The following CEP44 variants were observed in gnomAD, a reference collection of about 807,000 sequenced individuals.
CEP44 encodes the protein centrosomal protein 44, also known as centrosomal protein of 44 kDa.
In CEP44, 45 loss-of-function variants were observed where a neutral mutation model predicts 46.7. That is an observed-to-expected ratio of 0.96 (90% confidence interval 0.76 to 1.24). CEP44 has a LOEUF of 1.24. CEP44 is among the 50% of genes most tolerant of loss of function. The pLI is 0.00. For synonymous variants in CEP44, 142 were observed against 146.0 expected, an observed-to-expected ratio of 0.97 and a Z score of 0.20; for missense variants, 475 against 459.7, an observed-to-expected ratio of 1.03 and a Z score of -0.30.
At chr4:174,300,867 T>C (rs1739626757) in intron 3 of CEP44, among the ~76,000 whole-genome samples, 1 of 152,160 alleles carries the variant, frequency 6.6e-6, no homozygotes, top group Non-Finnish European at 1.5e-5. Flanking sequence ...TGAAATTGTT[T>C]AACATAAAAA....
rs1740970180 is a variant in CEP44 at position 174,310,566 on chromosome 4, T to G, written c.886-217T>G. On this transcript the variant is annotated intron_variant, in intron 8 of 11. Transcript: ENST00000503780. The surrounding 1 kb of genome is among the most constrained non-coding windows in gnomAD (Gnocchi z 4.2). ...TTTCAATTTCTGGTCTGTCTTTCCT[T>G]CCTAGAAGGTGAAGTCAAGTAGCTT... Among the ~76,000 whole-genome samples the G allele has an allele frequency of 6.6e-6, 1 of 151,932 alleles. No individual in the cohort carries two copies. Among genetic ancestry groups the G allele is most frequent in the Admixed American group, 6.6e-5 (1 of 15,246 alleles).
intron 6 of CEP44, among the ~76,000 whole-genome samples, chr4:174,307,939 T>C (rs1176670597): frequency 6.6e-6 from 1 of 152,082 alleles, no homozygotes; most frequent in East Asian, 1.9e-4. Context: ...ATGACTATTA[T>C]TAAAAAGTCT....
At position 174,290,591 on chromosome 4, in the gene CEP44, G is replaced by T. The variant is rs1738083278; in HGVS notation, c.-148+6648G>T. ...GTGTTGTATAGTTTGCAATTTACTT[G>T]TTGGTATTCTGTCCGGATGACCAGT... On this transcript the variant is annotated intron_variant, in intron 1 of 11. Transcript: ENST00000503780. This position sits in a 1 kb window ranked among gnomAD's most constrained non-coding sequence, Gnocchi z 4.3. Among the ~76,000 whole-genome samples the T allele has an allele frequency of 6.6e-6, 1 of 151,958 alleles. No individual in the cohort carries two copies. The highest frequency in any genetic ancestry group is 2.4e-5 in the African/African-American group (1 of 41,384).
At position 174,312,286 on chromosome 4, in the gene CEP44, T is replaced by A. The variant is rs983963892; in HGVS notation, c.961+1428T>A. 6.6e-6 allele frequency among the ~76,000 whole-genome samples: 1 copy of A among 151,952 alleles called. No individual in the cohort carries two copies. The highest frequency in any genetic ancestry group is 1.9e-4 in the East Asian group (1 of 5,184). The stretch of plus-strand genomic sequence containing the variant: ...GCTAAGTTTTTTTTTTTTAATTTTT[T>A]AATTTTTTTGAGATAAGTGTGGTCT... On this transcript the variant is annotated intron_variant, in intron 9 of 11. Transcript: ENST00000503780. The surrounding 1 kb of genome is among the most constrained non-coding windows in gnomAD (Gnocchi z 4.5).
downstream of CEP44, among the ~76,000 whole-genome samples, chr4:174,322,255 C>T (rs1742370232): frequency 6.6e-6 from 1 of 152,048 alleles, no homozygotes; most frequent in African/African-American, 2.4e-5. Context: ...TCTCTTCCAC[C>T]TTCACTTTTT....
chr4:174,294,046 CTTTTT>C (rs764798847), intron 1 of CEP44, among the ~76,000 whole-genome samples: 10 of 138,112 alleles, frequency 7.2e-5, no homozygotes, highest in Non-Finnish European at 1.4e-4. Flanking sequence ...CATATATCCT[CTTTTT>C]TTTTTTTTTT....
chr4:174,327,384 G>T (rs931803624), intron 8 of CEP44, among the ~76,000 whole-genome samples: 1 of 151,800 alleles, frequency 6.6e-6, no homozygotes, highest in East Asian at 1.9e-4. Flanking sequence ...TTCTTACCCA[G>T]ATTATAATTT....
At chr4:174,306,232 G>C (rs1740382130) in intron 6 of CEP44, among the ~76,000 whole-genome samples, 1 of 152,006 alleles carries the variant, frequency 6.6e-6, no homozygotes. Context: ...TTTTTGTCAG[G>C]ACTTCTTCGT....
In CEP44 at chr4:174,290,615, G is replaced by C. The variant is rs78150143; in HGVS notation, c.-148+6672G>C. On this transcript the variant is annotated intron_variant, in intron 1 of 11. Coordinates refer to ENST00000503780, the MANE Select transcript of CEP44 (RefSeq NM_001040157.3). The surrounding 1 kb of genome is among the most constrained non-coding windows in gnomAD (Gnocchi z 4.3). Reference sequence around the variant, plus strand: ...TGTTGGTATTCTGTCCGGATGACCAGTACATTATAGACAGTGACGTATCAA... The same window carrying C: ...TGTTGGTATTCTGTCCGGATGACCACTACATTATAGACAGTGACGTATCAA... Among the ~76,000 whole-genome samples, 486 of 152,158 alleles carry C rather than the reference G, an allele frequency of 3.2e-3. 3 individuals are homozygous for C. The highest frequency in any genetic ancestry group is 0.011 in the African/African-American group (460 of 41,538).
chr4:174,299,170 C>T lies in CEP44; in HGVS notation c.49C>T (p.Leu17Phe). The change falls in exon 3 of 12, where the codon CTC becomes TTC. Residue 17 changes from leucine (L) to phenylalanine (F), a missense_variant. By Grantham distance (22) the Leu-to-Phe change is conservative (BLOSUM62 0). Transcript: ENST00000503780. ...KRSLRNLEQV[L>F]RLLNYPEEVD... The stretch of plus-strand genomic sequence containing the variant: ...AAGCTTACGGAACCTAGAACAGGTG[C>T]TCCGCTTGCTAAATTATCCTGAAGA... 1 of 1,613,746 alleles carries T rather than the reference C, an allele frequency of 6.2e-7. No individual in the cohort carries two copies. Among genetic ancestry groups the T allele is most frequent in the Non-Finnish European group, 8.5e-7 (1 of 1,179,744 alleles).
chr4:174,286,356 G>T lies in CEP44; in HGVS notation c.-148+2413G>T, dbSNP rs1354917267. ...TGTATCCTGGACAGCTGGGTAATGC[G>T]AATTGGAGGAAAAGATCACACTAAC... is the stretch of plus-strand genomic sequence containing the variant. On this transcript the variant is annotated intron_variant, in intron 1 of 11. Coordinates refer to ENST00000503780, the MANE Select transcript of CEP44 (RefSeq NM_001040157.3). The surrounding 1 kb of genome is among the most constrained non-coding windows in gnomAD (Gnocchi z 5.2). Among the ~76,000 whole-genome samples, 2 of 152,278 alleles carry T rather than the reference G, an allele frequency of 1.3e-5. No homozygotes were observed.
In CEP44 at chr4:174,329,795, A is replaced by G. The variant is rs986208822; in HGVS notation, c.1087-1687A>G. 6.6e-6 allele frequency among the ~76,000 whole-genome samples: 1 copy of G among 152,152 alleles called. No homozygotes were observed. The highest frequency in any genetic ancestry group is 1.5e-5 in the Non-Finnish European group (1 of 68,006). On this transcript the variant is annotated intron_variant, in intron 8 of 8. Transcript: ENST00000426172. This position sits in a 1 kb window ranked among gnomAD's most constrained non-coding sequence, Gnocchi z 4.0. ...CATCATTCTTTCTCAAGATAGATTTATGGTAAAAATAGACTACTGAACTGT... is the reference window on the plus strand; with the variant it reads ...CATCATTCTTTCTCAAGATAGATTTGTGGTAAAAATAGACTACTGAACTGT...
rs1737777482 is a variant in CEP44, at chr4:174,288,224, A to G, written c.-148+4281A>G. ...GAAACCATCCAACCATTATTACTAC[A>G]AGAAATCAATGCCATCACCTTGAAA... On this transcript the variant is annotated intron_variant, in intron 1 of 11. Coordinates refer to ENST00000503780, the MANE Select transcript of CEP44 (RefSeq NM_001040157.3). The surrounding 1 kb of genome is among the most constrained non-coding windows in gnomAD (Gnocchi z 4.6). Among the ~76,000 whole-genome samples, 1 of 152,210 alleles carries G rather than the reference A, an allele frequency of 6.6e-6. No individual in the cohort carries two copies. Among genetic ancestry groups the G allele is most frequent in the South Asian group, 2.1e-4 (1 of 4,830 alleles).
intron 1 of CEP44, among the ~76,000 whole-genome samples, chr4:174,291,797 T>C (rs1454946035): frequency 2.4e-5 from 3 of 124,350 alleles, no homozygotes; most frequent in Admixed American, 7.7e-5. Flanking sequence ...CTTTTTTTTT[T>C]TTTTTTTTTT....
At chr4:174,293,056 G>T (rs551554361) in intron 1 of CEP44, among the ~76,000 whole-genome samples, 1 of 152,248 alleles carries the variant, frequency 6.6e-6, no homozygotes, top group African/African-American at 2.4e-5. Flanking sequence ...CCCTTGGTGA[G>T]ACTGACTTCC....
At position 174,312,852 on chromosome 4, in the gene CEP44, A is replaced by G. The variant is rs1017752405; in HGVS notation, c.961+1994A>G. 6.6e-6 allele frequency among the ~76,000 whole-genome samples: 1 copy of G among 152,198 alleles called. No individual in the cohort carries two copies. Among genetic ancestry groups the G allele is most frequent in the Admixed American group, 6.5e-5 (1 of 15,282 alleles). On this transcript the variant is annotated intron_variant, in intron 9 of 11. Transcript: ENST00000503780. This position sits in a 1 kb window ranked among gnomAD's most constrained non-coding sequence, Gnocchi z 4.5. ...AATTTACTACTCTGGGTTTAGGATC[A>G]TATTAAATCAGGAATAGTTTTTGTG...
intron 7 of CEP44, 26 bp downstream of exon 7, chr4:174,308,885 G>A (rs200992323): frequency 1.9e-6 from 3 of 1,599,028 alleles, no homozygotes; most frequent in Non-Finnish European, 2.6e-6. Flanking sequence ...TTTTTAAATA[G>A]ATGCCAGTAT....
rs70947423 is a variant in CEP44, at chr4:174,297,651, AGTGTGTGTGTGTGTGT to A, written c.-147-296_-147-281del. On this transcript the variant is annotated intron_variant, in intron 1 of 11. Coordinates refer to ENST00000503780, the MANE Select transcript of CEP44 (RefSeq NM_001040157.3). This position sits in a 1 kb window ranked among gnomAD's most constrained non-coding sequence, Gnocchi z 4.3. The stretch of plus-strand genomic sequence containing the variant: ...CTGAGATATAGGAAGAAACTTTATT[AGTGTGTGTGTGTGTGT>A]GTGTGTGTGTGTGTGTGTTTTCATT... 6.7e-6 allele frequency among the ~76,000 whole-genome samples: 1 copy of A among 148,954 alleles called. No homozygotes were observed. Among genetic ancestry groups the A allele is most frequent in the Non-Finnish European group, 1.5e-5 (1 of 67,220 alleles).
chr4:174,299,979 G>A (rs957720657), intron 3 of CEP44, among the ~76,000 whole-genome samples: 2 of 152,162 alleles, frequency 1.3e-5, no homozygotes, highest in African/African-American at 4.8e-5. Flanking sequence ...AATGTAAGCT[G>A]AAGTCTTGGA....
Sources: allele counts gnomAD v4.1 joint callset (sites outside exome capture counted in the v4.1 genomes callset), GRCh38; gene constraint gnomAD v4.1.1; non-coding constraint Gnocchi (gnomAD v3.1); transcripts MANE v1.5; gene names NCBI Gene and HGNC (gene_info 2026-07-23, HGNC 2026-07-21).